The following RARB variants were observed in gnomAD, a reference collection of about 807,000 sequenced individuals.
RARB encodes retinoic acid receptor beta.
Under a neutral mutation model 51.9 loss-of-function variants are expected in RARB, and 17 were observed. The observed-to-expected ratio is 0.33, with a 90% CI of 0.22 to 0.49. The LOEUF (loss-of-function observed/expected upper bound fraction) is 0.49, where lower values mean the gene tolerates loss of function less well. Among genes scored for constraint, RARB ranks in the 20% least tolerant of loss-of-function variants. RARB has a pLI of 0.99. For missense variants in RARB, 369 were observed against 550.8 expected, an observed-to-expected ratio of 0.67 and a Z score of 3.30; for synonymous variants, 215 against 195.4, an observed-to-expected ratio of 1.10 and a Z score of -0.84.
intron 5 of RARB, among the ~76,000 whole-genome samples, chr3:25,200,073 G>T (rs1296577951): frequency 2.0e-5 from 3 of 152,134 alleles, no homozygotes. Context: ...CAGTGTAAAA[G>T]TATTCCTATT....
At chr3:24,862,826 G>GT (rs1702779500) in intron 2 of RARB, among the ~76,000 whole-genome samples, 1 of 152,156 alleles carries the variant, frequency 6.6e-6, no homozygotes, top group South Asian at 2.1e-4. Context: ...GCAGCCTAGA[G>GT]TTACAAACTA....
intron 4 of RARB, among the ~76,000 whole-genome samples, chr3:25,153,808 TG>T (rs1700332144): frequency 6.6e-6 from 1 of 152,212 alleles, no homozygotes; most frequent in South Asian, 2.1e-4. Context: ...TGAGAACATG[TG>T]ATGTTTATCT....
intron 5 of RARB, among the ~76,000 whole-genome samples, chr3:25,293,508 T>C (rs1329503153): frequency 3.4e-5 from 5 of 146,876 alleles, no homozygotes. Flanking sequence ...TTACCCAACA[T>C]ACAACACAGC....
At chr3:25,115,534 C>G (rs1277342599) in intron 3 of RARB, among the ~76,000 whole-genome samples, 2 of 151,952 alleles carry the variant, frequency 1.3e-5, no homozygotes, top group Non-Finnish European at 2.9e-5. Flanking sequence ...GTTTTTGTCT[C>G]TTCTTTCCTT....
chr3:25,179,188 T>C (rs1700815168), intron 5 of RARB, among the ~76,000 whole-genome samples: 1 of 152,168 alleles, frequency 6.6e-6, no homozygotes, highest in South Asian at 2.1e-4. Flanking sequence ...ATTTCTATTT[T>C]TTGTCTTAAA....
At chr3:24,859,854 T>C (rs543993091) in intron 2 of RARB, among the ~76,000 whole-genome samples, 1 of 152,350 alleles carries the variant, frequency 6.6e-6, no homozygotes, top group Admixed American at 6.5e-5. Context: ...TATGGTATGT[T>C]CCAATAAAAC....
intron 5 of RARB, among the ~76,000 whole-genome samples, chr3:25,396,161 G>A (rs1391808124): frequency 1.3e-5 from 2 of 152,140 alleles, no homozygotes; most frequent in Non-Finnish European, 2.9e-5. Flanking sequence ...AGAGCTACTG[G>A]GCTCCAGGCT....
At chr3:25,392,814 T>C (rs769335381) in intron 5 of RARB, among the ~76,000 whole-genome samples, 1 of 152,162 alleles carries the variant, frequency 6.6e-6, no homozygotes, top group Non-Finnish European at 1.5e-5. Flanking sequence ...TTTCTAGGTA[T>C]ACAATCATCT....
chr3:25,120,195 C>T (rs923388617), intron 3 of RARB, among the ~76,000 whole-genome samples: 2 of 152,084 alleles, frequency 1.3e-5, no homozygotes, highest in Admixed American at 6.6e-5. Flanking sequence ...AGATAGGTAA[C>T]ATCAAGAGGC....
At chr3:25,371,907 T>C (rs760740749) in intron 5 of RARB, among the ~76,000 whole-genome samples, 47 of 152,122 alleles carry the variant, frequency 3.1e-4, no homozygotes, top group Non-Finnish European at 6.3e-4. Context: ...GGTTGAGTGG[T>C]CAGGGAAGGC....
At chr3:24,887,334 G>A (rs1703285621) in intron 2 of RARB, among the ~76,000 whole-genome samples, 1 of 152,194 alleles carries the variant, frequency 6.6e-6, no homozygotes, top group African/African-American at 2.4e-5. Flanking sequence ...ATATTGGAAG[G>A]TAAATTTTGG....
At chr3:25,316,720 T>C (rs973965902) in intron 5 of RARB, among the ~76,000 whole-genome samples, 3 of 152,180 alleles carry the variant, frequency 2.0e-5, no homozygotes, top group Non-Finnish European at 4.4e-5. Flanking sequence ...CGTAGCAGTA[T>C]AGACTGGATT....
At chr3:25,055,221 G>A (rs1698412320) in intron 2 of RARB, among the ~76,000 whole-genome samples, 1 of 152,086 alleles carries the variant, frequency 6.6e-6, no homozygotes, top group Non-Finnish European at 1.5e-5. Flanking sequence ...AATTAATCCT[G>A]TCATTTGGTA....
At chr3:25,228,140 A>G (rs528870749) in intron 5 of RARB, among the ~76,000 whole-genome samples, 1 of 151,606 alleles carries the variant, frequency 6.6e-6, no homozygotes, top group Non-Finnish European at 1.5e-5. Flanking sequence ...TTTATGAATA[A>G]TAGCTGAGCC....
At chr3:25,456,700 G>T (rs1329654029) in intron 1 of RARB, among the ~76,000 whole-genome samples, 2 of 147,606 alleles carry the variant, frequency 1.4e-5, no homozygotes, top group South Asian at 2.2e-4. Flanking sequence ...GAGAGAGAGA[G>T]AGAGAGAGAG....
intron 3 of RARB, among the ~76,000 whole-genome samples, chr3:25,062,058 G>T (rs114768363): frequency 6.6e-6 from 1 of 151,532 alleles, no homozygotes; most frequent in South Asian, 2.1e-4. Flanking sequence ...GAATATAGAA[G>T]TATAAAATAT....
At chr3:24,999,858 GC>G (rs1029897536) in intron 2 of RARB, among the ~76,000 whole-genome samples, 172 of 152,134 alleles carry the variant, frequency 1.1e-3, no homozygotes, top group African/African-American at 4.0e-3. Context: ...AGCAAAAATG[GC>G]CCCAGACAAC....
chr3:24,921,860 T>C (rs1575073170), intron 2 of RARB, among the ~76,000 whole-genome samples: 1 of 152,222 alleles, frequency 6.6e-6, no homozygotes, highest in East Asian at 1.9e-4. Flanking sequence ...TAAGAAATTA[T>C]ACATTTCACA....
intron 2 of RARB, among the ~76,000 whole-genome samples, chr3:25,491,873 G>A (rs115189457): frequency 2.4e-3 from 360 of 152,168 alleles, no homozygotes; most frequent in Non-Finnish European, 4.1e-3. Context: ...CCCAAGAAGC[G>A]GAGGTTGTAG....
Sources: allele counts gnomAD v4.1 joint callset (sites outside exome capture counted in the v4.1 genomes callset), GRCh38; gene constraint gnomAD v4.1.1; transcripts MANE v1.5; gene names NCBI Gene and HGNC (gene_info 2026-07-23, HGNC 2026-07-21).